The following NDST1 variants were observed in gnomAD, a reference collection of about 807,000 sequenced individuals.
NDST1 encodes N-deacetylase and N-sulfotransferase 1.
A neutral mutation model predicts 92.8 loss-of-function variants in NDST1; 35 were observed. The ratio of observed to expected loss-of-function variants is 0.38; its 90% confidence interval spans 0.29 to 0.50. The LOEUF is 0.50. NDST1 is among the 20% of genes least tolerant of loss of function. NDST1 has a pLI of 0.94. For missense variants in NDST1, 822 were observed against 1,182.7 expected (o/e 0.69, Z 4.47); for synonymous variants, 493 against 500.3 (o/e 0.99, Z 0.19).
chr5:150,536,675 C>T (rs1755005074), intron 6 of NDST1, among the ~76,000 whole-genome samples: 1 of 152,120 alleles, frequency 6.6e-6, no homozygotes, highest in African/African-American at 2.4e-5. Context: ...AAGCAATTCT[C>T]CTGCTTCAGC....
intron 6 of NDST1, among the ~76,000 whole-genome samples, chr5:150,537,660 C>T (rs1156479162): frequency 6.6e-6 from 1 of 152,218 alleles, no homozygotes; most frequent in Non-Finnish European, 1.5e-5. Context: ...CCTGTGATCT[C>T]GCCCTGCCTC....
intron 1 of NDST1, among the ~76,000 whole-genome samples, chr5:150,518,587 T>C (rs1754092122): frequency 2.0e-5 from 3 of 152,200 alleles, no homozygotes; most frequent in Admixed American, 2.0e-4. Flanking sequence ...TGTTTCTTTT[T>C]TTGCATTTAG....
Position 150,541,618 on chromosome 5 carries a change from A to T in NDST1, c.1798A>T (p.Thr600Ser). ...CAAAGACATCTGGTCCAAGGAGAAGACGTGTGACCGCTTCCCAAAGCTCCT... is the reference window on the plus strand; with the variant it reads ...CAAAGACATCTGGTCCAAGGAGAAGTCGTGTGACCGCTTCCCAAAGCTCCT... ...RHKDIWSKEKTCDRFPKLLII... is the reference protein window; with the variant it reads ...RHKDIWSKEKSCDRFPKLLII... Residue 600 changes from threonine to serine, a missense_variant, in exon 9 of 15, where the codon ACG becomes TCG. Transcript: ENST00000261797. 1 of 1,614,166 alleles carries T rather than the reference A, an allele frequency of 6.2e-7. No homozygotes were observed. The highest frequency in any genetic ancestry group is 8.5e-7 in the Non-Finnish European group (1 of 1,180,026).
At position 150,549,782 on chromosome 5, in the gene NDST1, C is replaced by G; in HGVS notation, c.2421C>G (p.Thr807=). ...CCAACACCATTGACTACCACAAAAC[C>G]TTGGCGTGAGTGTTGCCTTTTCCTT... ...GVTNTIDYHK[T]LAFDPKKGFW... Residue 807 remains threonine, a synonymous_variant, in exon 13 of 15, where the codon ACC becomes ACG. Coordinates refer to ENST00000261797, the MANE Select transcript of NDST1 (RefSeq NM_001543.5). 1 of 1,603,868 alleles carries G rather than the reference C, an allele frequency of 6.2e-7. No homozygotes were observed. The highest frequency in any genetic ancestry group is 8.5e-7 in the Non-Finnish European group (1 of 1,170,598).
At chr5:150,543,869 T>C in intron 10 of NDST1, among the ~76,000 whole-genome samples, 1 of 152,178 alleles carries the variant, frequency 6.6e-6, no homozygotes, top group East Asian at 1.9e-4. Context: ...AACCTCTGCT[T>C]CCCGGGTTCA....
intron 1 of NDST1, among the ~76,000 whole-genome samples, chr5:150,520,184 C>A (rs1754179741): frequency 1.3e-5 from 2 of 152,176 alleles, no homozygotes; most frequent in African/African-American, 4.8e-5. Context: ...TCAGCTACAG[C>A]CATGAGCTAC....
intron 1 of NDST1, among the ~76,000 whole-genome samples, chr5:150,509,520 C>T (rs558985754): frequency 6.6e-6 from 1 of 152,052 alleles, no homozygotes; most frequent in Non-Finnish European, 1.5e-5. Flanking sequence ...GAGGTGGCCC[C>T]CCTTTCTTTA....
Position 150,522,280 on chromosome 5 carries a change from A to C in NDST1, c.513+513A>C, listed in dbSNP as rs547042014. 2.4e-4 allele frequency among the ~76,000 whole-genome samples: 37 copies of C among 152,172 alleles called. No individual in the cohort carries two copies. In the South Asian group the frequency reaches 3.1e-3, roughly 13 times the overall value. Reference sequence around the variant, plus strand: ...CTTGGTGGTGGTGGAGTATGGCGTTAATATACCTCCTGACCCAGAGCCATT... The same window carrying C: ...CTTGGTGGTGGTGGAGTATGGCGTTCATATACCTCCTGACCCAGAGCCATT... On this transcript the variant is annotated intron_variant, in intron 2 of 14. Transcript: ENST00000261797.
intron 2 of NDST1, among the ~76,000 whole-genome samples, chr5:150,524,239 G>T (rs1754368612): frequency 6.6e-6 from 1 of 152,266 alleles, no homozygotes; most frequent in Admixed American, 6.5e-5. Flanking sequence ...AAGACAGTGG[G>T]TGGGGAGCAC....
intron 10 of NDST1, among the ~76,000 whole-genome samples, chr5:150,543,502 GC>G (rs1252211530): frequency 6.6e-6 from 1 of 152,182 alleles, no homozygotes; most frequent in African/African-American, 2.4e-5. Context: ...GGGTGTGGGG[GC>G]CAGAGCAGAG....
intron 8 of NDST1, 79 bp downstream of exon 8, chr5:150,540,343 C>A: frequency 7.0e-7 from 1 of 1,432,374 alleles, no homozygotes; most frequent in Non-Finnish European, 9.5e-7. Context: ...CAGATATGGA[C>A]TCAAGGCTCA....
upstream of NDST1, among the ~76,000 whole-genome samples, chr5:150,503,462 C>A (rs909771899): frequency 3.9e-5 from 6 of 152,028 alleles, no homozygotes; most frequent in South Asian, 2.1e-4. Context: ...AATAAACAAA[C>A]AAAAAAATAA....
chr5:150,551,535 G>A (rs1755726495), intron 13 of NDST1, among the ~76,000 whole-genome samples: 1 of 152,242 alleles, frequency 6.6e-6, no homozygotes, highest in African/African-American at 2.4e-5. Flanking sequence ...GACTCAGAAT[G>A]TGCGAGCTGC....
chr5:150,551,681 A>C (rs1036021976), intron 13 of NDST1, 72 bp from the exon 14 acceptor site: 53 of 1,574,458 alleles, frequency 3.4e-5, no homozygotes, highest in Non-Finnish European at 4.4e-5. Context: ...CCTGGGGTCC[A>C]TGAACATGGC....
At position 150,554,540 on chromosome 5, in the gene NDST1, C is replaced by T. The variant is rs1202639118; in HGVS notation, c.*1208C>T. 2 of 152,526 alleles carry T rather than the reference C, an allele frequency of 1.3e-5. No individual in the cohort carries two copies. Among genetic ancestry groups the T allele is most frequent in the African/African-American group, 4.8e-5 (2 of 41,382 alleles). The allele number at this position is 152,526 out of a possible 1,614,324, so 9.4% of individuals were successfully genotyped here. A position where few individuals can be genotyped will look rare whatever the true frequency, so the allele number is the denominator to read the frequency against. ...GAGCAGACCTTAGGAAGGGGCCCTC[C>T]CCAGTGCCGTGGCTGCTCTGGGGCT... On this transcript the variant is annotated 3_prime_UTR_variant, in exon 15 of 15. Transcript: ENST00000261797.
At chr5:150,541,469 A>T in intron 8 of NDST1, 101 bp from the exon 9 acceptor site, 1 of 969,748 alleles carries the variant, frequency 1.0e-6, no homozygotes. Flanking sequence ...GCATGTAGGT[A>T]TCATGCCCAT....
rs920822140 is a variant in NDST1 at position 150,556,296 on chromosome 5, TGTG to T, written c.*2969_*2971del. The stretch of plus-strand genomic sequence containing the variant: ...AGTCATTCAGAGTTCCAGAGCCTTC[TGTG>T]GTGGAGCATCCTGCTGCTTGGAGGA... On this transcript the variant is annotated 3_prime_UTR_variant, in exon 15 of 15. Transcript: ENST00000261797. 1.4e-4 allele frequency: 22 copies of T among 152,352 alleles called. No homozygotes were observed. Among genetic ancestry groups the T allele is most frequent in the African/African-American group, 4.3e-4 (18 of 41,580 alleles). 9.4% of individuals were successfully genotyped at this position (152,352 alleles called of 1,614,324 possible).
In NDST1 at chr5:150,548,225, G is replaced by A. The variant is rs780806591; in HGVS notation, c.2153G>A (p.Arg718Gln). 21 of 1,614,050 alleles carry A rather than the reference G, an allele frequency of 1.3e-5. No individual in the cohort carries two copies. The highest frequency in any genetic ancestry group is 2.7e-5 in the African/African-American group (2 of 74,918). The change falls in exon 12 of 15, where the codon CGA (arginine) becomes CAA (glutamine). Residue 718 changes from arginine to glutamine, a missense_variant. Arg to Gln is a conservative substitution (Grantham distance 43, BLOSUM62 1). Transcript: ENST00000261797. ...DRAYSWYQHQRAHDDPVALKY... is the reference protein window; with the variant it reads ...DRAYSWYQHQQAHDDPVALKY... ...CTCTTTCCTTGCCTGCAGCACCAGC[G>A]AGCCCATGACGACCCAGTGGCCCTA...
intron 1 of NDST1, among the ~76,000 whole-genome samples, chr5:150,513,949 C>T (rs183844338): frequency 5.9e-5 from 9 of 152,376 alleles, no homozygotes; most frequent in South Asian, 2.1e-4. Context: ...GTCTCCATGA[C>T]GACCAGAGCA....
Sources: gnomAD v4.1 joint callset for allele counts (sites outside exome capture counted in the v4.1 genomes callset) on GRCh38, gnomAD v4.1.1 for gene constraint, MANE v1.5 for transcripts, NCBI Gene and HGNC (gene_info 2026-07-23, HGNC 2026-07-21) for gene names.